Variants in SLC14A2 observed in about 807,000 individuals in gnomAD.
SLC14A2 encodes solute carrier family 14 member 2.
Under a neutral mutation model 104.6 loss-of-function variants are expected in SLC14A2, and 91 were observed. That is an observed-to-expected ratio of 0.87 (90% confidence interval 0.73 to 1.04). The LOEUF is 1.04. Among genes scored for constraint, SLC14A2 ranks in the 50% least tolerant of loss-of-function variants. The pLI, the probability that SLC14A2 is intolerant of heterozygous loss-of-function variation, is 0.00. For missense variants in SLC14A2, 1,189 were observed against 1,156.0 expected, an observed-to-expected ratio of 1.03 and a Z score of -0.41; for synonymous variants, 476 against 466.4, an observed-to-expected ratio of 1.02 and a Z score of -0.27.
chr18:45,462,166 G>C (rs914060769), intron 1 of SLC14A2, among the ~76,000 whole-genome samples: 1 of 152,164 alleles, frequency 6.6e-6, no homozygotes, highest in Non-Finnish European at 1.5e-5. Flanking sequence ...TCCCTCTTCA[G>C]CAGTTTCAAA....
intron 1 of SLC14A2, among the ~76,000 whole-genome samples, chr18:45,426,680 TATAC>T (rs2086435517): frequency 7.7e-6 from 1 of 129,170 alleles, no homozygotes; most frequent in African/African-American, 2.8e-5. Flanking sequence ...TATACACACA[TATAC>T]ATATATACAT....
chr18:45,246,881 C>T (rs1568119560), intron 1 of SLC14A2, among the ~76,000 whole-genome samples: 1 of 152,090 alleles, frequency 6.6e-6, no homozygotes, highest in African/African-American at 2.4e-5. Context: ...AACAAAACAC[C>T]TATTGTAATC....
upstream of SLC14A2, among the ~76,000 whole-genome samples, chr18:45,611,296 A>G (rs1421061994): frequency 1.3e-5 from 2 of 152,214 alleles, no homozygotes; most frequent in African/African-American, 2.4e-5. Flanking sequence ...CCTCCCAGGG[A>G]CAGCCCTTCC....
intron 1 of SLC14A2, among the ~76,000 whole-genome samples, chr18:45,259,613 T>C (rs548603458): frequency 1.3e-5 from 2 of 152,134 alleles, no homozygotes; most frequent in South Asian, 2.1e-4. Flanking sequence ...TGAATGAAGA[T>C]TTTTTTTCCT....
chr18:45,598,147 C>A (rs932225306), intron 2 of SLC14A2, among the ~76,000 whole-genome samples: 1 of 152,198 alleles, frequency 6.6e-6, no homozygotes, highest in African/African-American at 2.4e-5. Flanking sequence ...AGGCCCAATA[C>A]CTCCTCAAGG....
intron 2 of SLC14A2, among the ~76,000 whole-genome samples, chr18:45,524,668 G>C (rs934045183): frequency 1.3e-5 from 2 of 152,186 alleles, no homozygotes; most frequent in Non-Finnish European, 2.9e-5. Context: ...GGCTCATTTA[G>C]AGAAATGGGT....
rs563336963 is a variant in SLC14A2 at position 45,253,141 on chromosome 18, T to C, written c.-125+39950T>C. On this transcript the variant is annotated intron_variant, in intron 1 of 20. Coordinates refer to the SLC14A2 transcript ENST00000586448. Reference sequence around the variant, plus strand: ...AAAACCAGATTGTTTGGCCGAAGTATATCCAGAGTTTCTGATTCCACAGGT... The same window carrying C: ...AAAACCAGATTGTTTGGCCGAAGTACATCCAGAGTTTCTGATTCCACAGGT... Among the ~76,000 whole-genome samples the C allele has an allele frequency of 2.0e-5, 3 of 152,316 alleles. No homozygotes were observed. The South Asian group carries it at 6.2e-4, about 32-fold the overall frequency.
chr18:45,325,365 G>A lies in SLC14A2; in HGVS notation c.-125+112174G>A, dbSNP rs982190688. ...CACAGCTGCCCCTTTGCTGGGAAAT[G>A]GATATATTCATAAGACTGTCTTCTT... On this transcript the variant is annotated intron_variant, in intron 1 of 20. Coordinates refer to the SLC14A2 transcript ENST00000586448. Among the ~76,000 whole-genome samples the A allele has an allele frequency of 2.0e-5, 3 of 152,156 alleles. No homozygotes were observed. The South Asian group carries it at 6.2e-4, about 32-fold the overall frequency.
intron 1 of SLC14A2, among the ~76,000 whole-genome samples, chr18:45,260,785 A>G (rs916597362): frequency 6.6e-6 from 1 of 152,128 alleles, no homozygotes; most frequent in African/African-American, 2.4e-5. Context: ...GGAGCTAAAC[A>G]TTGAATACAC....
chr18:45,331,182 A>G (rs1416653040), intron 1 of SLC14A2, among the ~76,000 whole-genome samples: 1 of 152,218 alleles, frequency 6.6e-6, no homozygotes, highest in East Asian at 1.9e-4. Context: ...TTTAGAATAT[A>G]CGGACATCTA....
Position 45,295,961 on chromosome 18 carries a change from TAGTG to T in SLC14A2, c.-125+82773_-125+82776del, listed in dbSNP as rs567523015. The stretch of plus-strand genomic sequence containing the variant: ...AATACTATAAGGAAAGGAAGATTCT[TAGTG>T]AGGAATCTAGTAGGTAGTGAGTACT... On this transcript the variant is annotated intron_variant, in intron 1 of 20. Coordinates refer to the SLC14A2 transcript ENST00000586448. Among the ~76,000 whole-genome samples the T allele has an allele frequency of 2.0e-3, 307 of 151,930 alleles. 1 individual carries two copies. The highest frequency in any genetic ancestry group is 6.7e-3 in the African/African-American group (278 of 41,526).
At chr18:45,240,925 TG>T (rs1168932703) in intron 1 of SLC14A2, among the ~76,000 whole-genome samples, 1 of 152,176 alleles carries the variant, frequency 6.6e-6, no homozygotes, top group Admixed American at 6.5e-5. Context: ...CCCAAAGTGC[TG>T]GGATTACAGT....
rs144727812 is a variant in SLC14A2, at chr18:45,399,007, C to A, written c.-124-84226C>A. On this transcript the variant is annotated intron_variant, in intron 1 of 20. Coordinates refer to the SLC14A2 transcript ENST00000586448. ...GTGTTTTTTACCAAAATAAAAAATA[C>A]TTAGCCCAAAAAGAAATAGTATAAT... Among the ~76,000 whole-genome samples the A allele has an allele frequency of 2.5e-4, 38 of 152,304 alleles. No homozygotes were observed. The East Asian group carries it at 2.9e-3, about 12-fold the overall frequency.
At chr18:45,315,493 G>A (rs981542746) in intron 1 of SLC14A2, among the ~76,000 whole-genome samples, 1 of 152,166 alleles carries the variant, frequency 6.6e-6, no homozygotes, top group African/African-American at 2.4e-5. Context: ...TAGACAGTGA[G>A]CAAGTGGAGC....
chr18:45,180,388 C>G, the SLC14A2 span, among the ~76,000 whole-genome samples: 1 of 151,960 alleles, frequency 6.6e-6, no homozygotes, highest in African/African-American at 2.4e-5. Context: ...CTAGAAATGA[C>G]CATGCAGGTA....
chr18:45,648,195 C>CTTTTTTTTTTTTTTTTTTTTTTTTTTT (rs59843067), intron 10 of SLC14A2, among the ~76,000 whole-genome samples: 2 of 101,244 alleles, frequency 2.0e-5, no homozygotes, highest in African/African-American at 7.7e-5. Context: ...CTAGTTAATG[C>CTTTTTTTTTTTTTTTTTTTTTTTTTTT]TTTTTTTTTT....
intron 2 of SLC14A2, among the ~76,000 whole-genome samples, chr18:45,535,184 T>C (rs914497245): frequency 6.6e-6 from 1 of 152,206 alleles, no homozygotes; most frequent in Non-Finnish European, 1.5e-5. Context: ...CTGGTGAGTA[T>C]CACTGCCCTT....
chr18:45,203,283 C>T, the SLC14A2 span, among the ~76,000 whole-genome samples: 2 of 152,128 alleles, frequency 1.3e-5, no homozygotes, highest in African/African-American at 4.8e-5. Context: ...TCTTCTTTGC[C>T]TTGATCACCT....
At chr18:45,538,593 C>T (rs1381823457) in intron 2 of SLC14A2, among the ~76,000 whole-genome samples, 2 of 152,160 alleles carry the variant, frequency 1.3e-5, no homozygotes, top group African/African-American at 4.8e-5. Flanking sequence ...CTTGCTTCCT[C>T]CAGAGTGAGT....
Sources: gnomAD v4.1 joint callset for allele counts (sites outside exome capture counted in the v4.1 genomes callset) on GRCh38, gnomAD v4.1.1 for gene constraint, MANE v1.5 for transcripts, NCBI Gene and HGNC (gene_info 2026-07-23, HGNC 2026-07-21) for gene names.